MYRIP: variants seen among roughly 807,000 people sequenced by gnomAD.
MYRIP encodes the protein myosin VIIA and Rab interacting protein, also known as rab effector MyRIP.
MYRIP carries 49 observed loss-of-function variants against 98.0 expected under a neutral mutation model. The observed-to-expected ratio is 0.50, with a 90% CI of 0.40 to 0.63. The LOEUF is 0.63. Ranked by LOEUF, MYRIP falls within the 30% of genes least tolerant of loss-of-function variation. The pLI is 0.00. For synonymous variants in MYRIP, 404 were observed against 409.5 expected (o/e 0.99, Z 0.16); for missense variants, 1,004 against 1,058.2 (o/e 0.95, Z 0.71).
chr3:40,212,231 CACACACACACACACAT>C (rs1951974167), intron 11 of MYRIP, among the ~76,000 whole-genome samples: 2 of 33,970 alleles, frequency 5.9e-5, no homozygotes, highest in Admixed American at 7.7e-4. Context: ...TATATACACA[CACACACACACACACAT>C]ATATATATAT....
chr3:39,862,609 A>G (rs1393838821), intron 1 of MYRIP, among the ~76,000 whole-genome samples: 1 of 152,262 alleles, frequency 6.6e-6, no homozygotes, highest in Non-Finnish European at 1.5e-5. Flanking sequence ...TCCTAAATAT[A>G]TACACATCCA....
chr3:39,920,532 T>A (rs1021482270), intron 2 of MYRIP, among the ~76,000 whole-genome samples: 1 of 151,656 alleles, frequency 6.6e-6, no homozygotes, highest in Non-Finnish European at 1.5e-5. Context: ...TTTAGGGAGG[T>A]TTTTTCATAC....
At chr3:39,904,624 C>G (rs1559516941) in intron 2 of MYRIP, among the ~76,000 whole-genome samples, 1 of 152,108 alleles carries the variant, frequency 6.6e-6, no homozygotes, top group African/African-American at 2.4e-5. Flanking sequence ...TGTCCTGGCT[C>G]TGGCAGGTAA....
At position 40,058,678 on chromosome 3, in the gene MYRIP, C is replaced by T. The variant is rs111443456; in HGVS notation, c.332+14407C>T. Among the ~76,000 whole-genome samples the T allele has an allele frequency of 2.0e-3, 309 of 151,742 alleles. 1 individual carries two copies. Among genetic ancestry groups the T allele is most frequent in the African/African-American group, 7.1e-3 (295 of 41,374 alleles). The stretch of plus-strand genomic sequence containing the variant: ...GCCCCTGAGTCCTCTTTTTTAATTG[C>T]ATTTTTCCCTTCCCCCAGAGATAAT... On this transcript the variant is annotated intron_variant, in intron 3 of 16. Transcript: ENST00000302541.
chr3:39,974,851 C>T (rs4588298), intron 2 of MYRIP, among the ~76,000 whole-genome samples: 15 of 148,942 alleles, frequency 1.0e-4, no homozygotes, highest in Admixed American at 2.0e-4. Flanking sequence ...ATTCAACAAC[C>T]CTTCATGCTA....
chr3:40,068,395 C>T (rs1319448928), intron 3 of MYRIP, among the ~76,000 whole-genome samples: 2 of 152,142 alleles, frequency 1.3e-5, no homozygotes, highest in African/African-American at 4.8e-5. Context: ...GGATGTTTTT[C>T]TCTGGCTTCC....
intron 2 of MYRIP, among the ~76,000 whole-genome samples, chr3:39,933,914 C>T (rs1944598715): frequency 6.6e-6 from 1 of 152,146 alleles, no homozygotes; most frequent in African/African-American, 2.4e-5. Flanking sequence ...CAAAAGTAGG[C>T]TTCTTTTATT....
intron 1 of MYRIP, among the ~76,000 whole-genome samples, chr3:39,886,904 C>T (rs1184066059): frequency 4.6e-5 from 7 of 151,642 alleles, no homozygotes; most frequent in African/African-American, 1.7e-4. Flanking sequence ...CAGCACCACA[C>T]CACACCTATT....
At chr3:39,904,813 T>C (rs543303636) in intron 2 of MYRIP, among the ~76,000 whole-genome samples, 1 of 152,266 alleles carries the variant, frequency 6.6e-6, no homozygotes, top group South Asian at 2.1e-4. Context: ...GTCAACCCCA[T>C]GTCAGTAAGA....
At chr3:39,928,326 A>G (rs534672375) in intron 2 of MYRIP, among the ~76,000 whole-genome samples, 108 of 151,930 alleles carry the variant, frequency 7.1e-4, no homozygotes, top group Non-Finnish European at 1.3e-3. Context: ...ATTCCATAAA[A>G]CTAGTATTAC....
chr3:40,002,698 G>C (rs2125786968), intron 2 of MYRIP, among the ~76,000 whole-genome samples: 1 of 152,022 alleles, frequency 6.6e-6, no homozygotes, highest in South Asian at 2.1e-4. Context: ...GATGGTAGAG[G>C]GAGACCAAAG....
chr3:40,153,966 C>T (rs908611913), intron 4 of MYRIP, among the ~76,000 whole-genome samples: 7 of 151,936 alleles, frequency 4.6e-5, no homozygotes, highest in Non-Finnish European at 8.8e-5. Flanking sequence ...ATGGTGAAAC[C>T]CCATCTCTAC....
intron 2 of MYRIP, among the ~76,000 whole-genome samples, chr3:39,930,852 C>T (rs1037001508): frequency 1.3e-5 from 2 of 152,008 alleles, no homozygotes; most frequent in Non-Finnish European, 2.9e-5. Flanking sequence ...TGGCTTATTT[C>T]TGGATTTCAT....
chr3:39,900,370 A>G (rs1468444210), intron 1 of MYRIP, among the ~76,000 whole-genome samples: 1 of 151,430 alleles, frequency 6.6e-6, no homozygotes, highest in Non-Finnish European at 1.5e-5. Context: ...ATAAATTAAC[A>G]TATTTTTATT....
intron 3 of MYRIP, among the ~76,000 whole-genome samples, chr3:40,124,424 G>C (rs906999155): frequency 2.0e-5 from 3 of 152,206 alleles, no homozygotes; most frequent in African/African-American, 7.2e-5. Context: ...TTCACATTTG[G>C]TCAGCTCATT....
At chr3:39,873,719 C>A (rs919944847) in intron 1 of MYRIP, among the ~76,000 whole-genome samples, 20 of 145,048 alleles carry the variant, frequency 1.4e-4, no homozygotes, top group South Asian at 2.2e-4. Flanking sequence ...GGTACCAGTA[C>A]CATGCTGTTT....
At chr3:40,000,365 T>C (rs545433549) in intron 2 of MYRIP, among the ~76,000 whole-genome samples, 1 of 152,280 alleles carries the variant, frequency 6.6e-6, no homozygotes, top group East Asian at 1.9e-4. Context: ...GCAGCACCAT[T>C]AGGAAGAGTG....
intron 3 of MYRIP, among the ~76,000 whole-genome samples, chr3:40,107,855 T>C (rs1373194357): frequency 2.0e-5 from 3 of 152,190 alleles, no homozygotes; most frequent in Non-Finnish European, 4.4e-5. Context: ...GAGGTGAGTC[T>C]GAGGGAGAGA....
intron 3 of MYRIP, among the ~76,000 whole-genome samples, chr3:40,099,049 AGCT>A (rs1948888851): frequency 6.6e-6 from 1 of 152,164 alleles, no homozygotes; most frequent in Non-Finnish European, 1.5e-5. Context: ...AGGTTGGCCC[AGCT>A]GAGAACTGGC....
Sources: gnomAD v4.1 joint callset for allele counts (sites outside exome capture counted in the v4.1 genomes callset) on GRCh38, gnomAD v4.1.1 for gene constraint, MANE v1.5 for transcripts, NCBI Gene and HGNC (gene_info 2026-07-23, HGNC 2026-07-21) for gene names.